MAGI1: variants seen among roughly 807,000 people sequenced by gnomAD.
MAGI1 encodes membrane-associated guanylate kinase, WW and PDZ domain-containing protein 1.
Under a neutral mutation model 139.9 loss-of-function variants are expected in MAGI1, and 58 were observed. The observed-to-expected ratio is 0.41, with a 90% CI of 0.34 to 0.52. The LOEUF is 0.52. MAGI1 is among the 20% of genes least tolerant of loss of function. The pLI, the probability that MAGI1 is intolerant of heterozygous loss-of-function variation, is 0.12. For synonymous variants in MAGI1, 812 were observed against 737.9 expected, an observed-to-expected ratio of 1.10 and a Z score of -1.63; for missense variants, 1,874 against 1,901.6, an observed-to-expected ratio of 0.99 and a Z score of 0.27.
intron 12 of MAGI1, among the ~76,000 whole-genome samples, chr3:65,406,757 A>G (rs918381177): frequency 2.0e-5 from 3 of 151,904 alleles, no homozygotes; most frequent in African/African-American, 7.2e-5. Context: ...GTGTGTGTGT[A>G]TATATATGTA....
chr3:65,431,720 C>T (rs1947469198), intron 10 of MAGI1, among the ~76,000 whole-genome samples: 4 of 152,060 alleles, frequency 2.6e-5, no homozygotes, highest in Admixed American at 2.6e-4. Context: ...GGTGTGGTGG[C>T]TCATGCCTGT....
chr3:65,773,986 CA>C (rs759450197), intron 1 of MAGI1, among the ~76,000 whole-genome samples: 4 of 151,676 alleles, frequency 2.6e-5, no homozygotes, highest in Non-Finnish European at 4.4e-5. Context: ...AAAAAAATTC[CA>C]AAGGATAAAC....
At chr3:65,644,357 G>T (rs556116428) in intron 1 of MAGI1, among the ~76,000 whole-genome samples, 1 of 144,430 alleles carries the variant, frequency 6.9e-6, no homozygotes, top group Non-Finnish European at 1.5e-5. Context: ...TCCTAAAAAT[G>T]ATTCAAGGAA....
At chr3:65,658,905 C>A (rs2086035181) in intron 1 of MAGI1, among the ~76,000 whole-genome samples, 1 of 152,170 alleles carries the variant, frequency 6.6e-6, no homozygotes, top group African/African-American at 2.4e-5. Context: ...CAATAATGCA[C>A]AATAAATACT....
At chr3:65,812,468 T>TCTCACACACACACA (rs1176899313) in intron 1 of MAGI1, among the ~76,000 whole-genome samples, 8 of 89,166 alleles carry the variant, frequency 9.0e-5, no homozygotes, top group African/African-American at 1.6e-4. Context: ...TCTCTCTCTC[T>TCTCACACACACACA]CACACACACA....
chr3:65,635,613 C>T (rs1002976808), intron 1 of MAGI1, among the ~76,000 whole-genome samples: 4 of 152,254 alleles, frequency 2.6e-5, no homozygotes, highest in South Asian at 2.1e-4. Context: ...CAGGGGTAAA[C>T]CCTTGTAATC....
At chr3:65,405,059 T>C (rs1327531675) in intron 12 of MAGI1, among the ~76,000 whole-genome samples, 1 of 152,202 alleles carries the variant, frequency 6.6e-6, no homozygotes, top group Admixed American at 6.5e-5. Context: ...AAAGAGTTTA[T>C]GGATGGCAGC....
chr3:66,011,071 T>C (rs957388496), intron 1 of MAGI1, among the ~76,000 whole-genome samples: 29 of 152,162 alleles, frequency 1.9e-4, no homozygotes, highest in Admixed American at 1.4e-3. Context: ...CTGGGGAATA[T>C]AATAGAGGGC....
intron 1 of MAGI1, among the ~76,000 whole-genome samples, chr3:65,867,610 C>G (rs34214074): frequency 0.16 from 24,518 of 152,034 alleles, 2,530 homozygotes; most frequent in East Asian, 0.34. Context: ...TGGCCCACGC[C>G]TAAAGTCCCA....
At chr3:65,802,037 G>A (rs1179940730) in intron 1 of MAGI1, among the ~76,000 whole-genome samples, 1 of 152,112 alleles carries the variant, frequency 6.6e-6, no homozygotes, top group Non-Finnish European at 1.5e-5. Context: ...ATGCTTGATG[G>A]TCTGAGGTGG....
intron 1 of MAGI1, among the ~76,000 whole-genome samples, chr3:65,751,413 C>G (rs1056845462): frequency 1.3e-5 from 2 of 152,210 alleles, no homozygotes; most frequent in Non-Finnish European, 2.9e-5. Flanking sequence ...CAGTGTCTCT[C>G]CCTTTGTCTA....
rs1270996183 is a variant in MAGI1 at position 65,977,257 on chromosome 3, T to C, written c.313+60739A>G. Among the ~76,000 whole-genome samples the C allele has an allele frequency of 3.9e-5, 6 of 152,278 alleles. No homozygotes were observed. In the East Asian group the frequency reaches 1.2e-3, roughly 29 times the overall value. On this transcript the variant is annotated intron_variant, in intron 1 of 22. Coordinates refer to ENST00000402939, the MANE Select transcript of MAGI1 (RefSeq NM_001033057.2). ...CATATGTGAAAGGTTGTCAACATCA[T>C]CACTTTGTTGTCACTGTCACCCTCA...
At chr3:65,412,012 T>C (rs1491003576) in intron 12 of MAGI1, among the ~76,000 whole-genome samples, 1 of 152,196 alleles carries the variant, frequency 6.6e-6, no homozygotes, top group Non-Finnish European at 1.5e-5. Flanking sequence ...CAGAGACAAC[T>C]TTAAACGGCA....
chr3:65,441,180 C>T (rs1354262412), intron 8 of MAGI1, among the ~76,000 whole-genome samples: 2 of 151,976 alleles, frequency 1.3e-5, no homozygotes, highest in African/African-American at 4.8e-5. Context: ...AGGCTGGTCT[C>T]GAACTCCTGA....
At position 65,383,598 on chromosome 3, in the gene MAGI1, G is replaced by A. The variant is rs780489292; in HGVS notation, c.2442C>T (p.Ile814=). 9 of 1,613,352 alleles carry A rather than the reference G, an allele frequency of 5.6e-6. No individual in the cohort carries two copies. Among genetic ancestry groups the A allele is most frequent in the South Asian group, 3.3e-5 (3 of 91,068 alleles). ...ATCCAGTCTCTTTTCTCCAGAGGAAGATGTCCTGTTCCTGGTAATCTGGAA... is the reference window on the plus strand; with the variant it reads ...ATCCAGTCTCTTTTCTCCAGAGGAAAATGTCCTGTTCCTGGTAATCTGGAA... ...NRLPDYQEQD[I]FLWRKETGFG... The change falls in exon 15 of 23, where the codon ATC becomes ATT. Residue 814 remains isoleucine, a synonymous_variant. Transcript: ENST00000402939.
chr3:65,788,178 G>T (rs965312597), intron 1 of MAGI1, among the ~76,000 whole-genome samples: 2 of 152,194 alleles, frequency 1.3e-5, no homozygotes. Flanking sequence ...GCCCATGAGG[G>T]CAGGACTAGC....
intron 2 of MAGI1, among the ~76,000 whole-genome samples, chr3:65,587,857 T>C (rs1037799355): frequency 1.3e-5 from 2 of 152,172 alleles, no homozygotes; most frequent in Non-Finnish European, 2.9e-5. Flanking sequence ...CCTCCCTCCC[T>C]TCTTCGCATT....
At chr3:65,754,837 A>G (rs2036432943) in intron 1 of MAGI1, among the ~76,000 whole-genome samples, 2 of 152,240 alleles carry the variant, frequency 1.3e-5, no homozygotes, top group African/African-American at 4.8e-5. Context: ...AGTAAGTATC[A>G]GCTAGTTTTC....
At position 65,533,849 on chromosome 3, in the gene MAGI1, A is replaced by G. The variant is rs1280088852; in HGVS notation, c.431-40218T>C. The stretch of plus-strand genomic sequence containing the variant: ...AAAGTCTCATGAAATCATCCCAAAT[A>G]TTACATCCATCCAATCCAAAATTCT... On this transcript the variant is annotated intron_variant, in intron 2 of 22. Coordinates refer to ENST00000402939, the MANE Select transcript of MAGI1 (RefSeq NM_001033057.2). Among the ~76,000 whole-genome samples, 5 of 152,280 alleles carry G rather than the reference A, an allele frequency of 3.3e-5. No individual in the cohort carries two copies. In the East Asian group the frequency reaches 5.8e-4, roughly 18 times the overall value.
Sources: gnomAD v4.1 joint callset for allele counts (sites outside exome capture counted in the v4.1 genomes callset) on GRCh38, gnomAD v4.1.1 for gene constraint, MANE v1.5 for transcripts, NCBI Gene and HGNC (gene_info 2026-07-23, HGNC 2026-07-21) for gene names.